GPR149: variants seen among roughly 807,000 people sequenced by gnomAD.
GPR149 encodes probable G protein-coupled receptor 149.
In GPR149, 50 loss-of-function variants were observed where a neutral mutation model predicts 50.2. The observed-to-expected ratio is 1.00, with a 90% CI of 0.79 to 1.26. The LOEUF (loss-of-function observed/expected upper bound fraction) is 1.26, where lower values mean the gene tolerates loss of function less well. Among genes scored for constraint, GPR149 ranks in the 50% most tolerant of loss-of-function variants. The pLI is 0.00. For missense variants in GPR149, 983 were observed against 895.4 expected (o/e 1.10, Z -1.25); for synonymous variants, 405 against 358.2 (o/e 1.13, Z -1.48).
chr3:154,360,578 C>T lies in GPR149; in HGVS notation c.1624-22307G>A, dbSNP rs540663338. Among the ~76,000 whole-genome samples the T allele has an allele frequency of 4.6e-5, 7 of 152,210 alleles. No homozygotes were observed. The East Asian group carries it at 1.2e-3, about 25-fold the overall frequency. ...CCAATAAGTGGTAGAACTGGAATTC[C>T]AATCTGGGCAGTATGGCACTAGAAA... On this transcript the variant is annotated intron_variant, in intron 3 of 3. Transcript: ENST00000389740.
chr3:154,340,243 C>A (rs1025569899), intron 3 of GPR149, among the ~76,000 whole-genome samples: 1 of 152,150 alleles, frequency 6.6e-6, no homozygotes, highest in Non-Finnish European at 1.5e-5. Flanking sequence ...TAGAGCCTTG[C>A]ACGATAAAGT....
chr3:154,342,784 GA>G (rs1559968683), intron 3 of GPR149, among the ~76,000 whole-genome samples: 1 of 151,874 alleles, frequency 6.6e-6, no homozygotes, highest in African/African-American at 2.4e-5. Flanking sequence ...AACATAAACA[GA>G]AAAAAACCCC....
chr3:154,402,569 T>C (rs1711574223), intron 3 of GPR149, among the ~76,000 whole-genome samples: 1 of 152,172 alleles, frequency 6.6e-6, no homozygotes, highest in Non-Finnish European at 1.5e-5. Context: ...TCCATCTTTC[T>C]AAGATGAAAG....
chr3:154,418,629 C>T (rs1281087976), intron 3 of GPR149, among the ~76,000 whole-genome samples: 5 of 122,162 alleles, frequency 4.1e-5, no homozygotes, highest in Non-Finnish European at 6.5e-5. Context: ...ATCACATGGA[C>T]ACAGGAAGGG....
intron 3 of GPR149, among the ~76,000 whole-genome samples, chr3:154,347,972 C>A (rs1434435204): frequency 6.6e-6 from 1 of 152,186 alleles, no homozygotes; most frequent in Non-Finnish European, 1.5e-5. Flanking sequence ...GTCGCATACA[C>A]CTGAGTCACT....
chr3:154,344,324 C>T (rs1713873358), intron 3 of GPR149, among the ~76,000 whole-genome samples: 1 of 151,992 alleles, frequency 6.6e-6, no homozygotes, highest in Admixed American at 6.6e-5. Context: ...GAAAATCATT[C>T]AAAAAGTTTA....
intron 2 of GPR149, among the ~76,000 whole-genome samples, chr3:154,422,881 T>A (rs1049630723): frequency 7.2e-5 from 11 of 151,832 alleles, no homozygotes; most frequent in African/African-American, 2.7e-4. Flanking sequence ...ACTAAAAGGA[T>A]GTTTAAATTA....
chr3:154,407,091 C>A (rs1711714981), intron 3 of GPR149, among the ~76,000 whole-genome samples: 1 of 152,054 alleles, frequency 6.6e-6, no homozygotes, highest in South Asian at 2.1e-4. Flanking sequence ...GGAAACCACC[C>A]CTCATGATTC....
Position 154,337,679 on chromosome 3 carries a change from C to T in GPR149, c.*20G>A. ...TTGACGTTGCAGATCCATTCTTGCT[C>T]CTGTTAGACCAAATACCCACTAACT... On this transcript the variant is annotated 3_prime_UTR_variant, in exon 4 of 4. Coordinates refer to ENST00000389740, the MANE Select transcript of GPR149 (RefSeq NM_001038705.3). 6.5e-7 allele frequency: 1 copy of T among 1,531,432 alleles called. No homozygotes were observed. Among genetic ancestry groups the T allele is most frequent in the Non-Finnish European group, 8.8e-7 (1 of 1,135,972 alleles). The allele number at this position is 1,531,432 out of a possible 1,614,324, so 94.9% of individuals were successfully genotyped here. A position where few individuals can be genotyped will look rare whatever the true frequency, so the allele number is the denominator to read the frequency against.
chr3:154,370,897 T>G (rs1338532368), intron 3 of GPR149, among the ~76,000 whole-genome samples: 1 of 152,176 alleles, frequency 6.6e-6, no homozygotes, highest in Non-Finnish European at 1.5e-5. Flanking sequence ...TCCCACACCC[T>G]TATTAGGGAG....
In GPR149 at chr3:154,378,958, C is replaced by CAGATATATCACTTGCAAA. The variant is rs1576913960; in HGVS notation, c.1624-40688_1624-40687insTTTGCAAGTGATATATCT. 9.8e-4 allele frequency among the ~76,000 whole-genome samples: 22 copies of CAGATATATCACTTGCAAA among 22,398 alleles called. 2 individuals carry two copies. Among genetic ancestry groups the CAGATATATCACTTGCAAA allele is most frequent in the African/African-American group, 1.1e-3 (9 of 7,838 alleles). The allele number at this position is 22,398 out of a possible 152,430, so 14.7% of individuals were successfully genotyped here. A position where few individuals can be genotyped will look rare whatever the true frequency, so the allele number is the denominator to read the frequency against. The stretch of plus-strand genomic sequence containing the variant: ...TATTCTGGATATAAAAGTCCTTTAT[C>CAGATATATCACTTGCAAA]GGCCGGGCGCGGTGGCTCACGCCTG... On this transcript the variant is annotated intron_variant, in intron 3 of 3. Transcript: ENST00000389740.
chr3:154,353,983 A>G, intron 3 of GPR149: 1 of 476,684 alleles, frequency 2.1e-6, no homozygotes, highest in Non-Finnish European at 3.9e-6. Context: ...ATTTATGAGT[A>G]GAACTATCTA....
chr3:154,406,462 G>T (rs1711687617), intron 3 of GPR149, among the ~76,000 whole-genome samples: 1 of 152,048 alleles, frequency 6.6e-6, no homozygotes, highest in South Asian at 2.1e-4. Context: ...ATACATACAA[G>T]GTTAGTTACT....
intron 3 of GPR149, among the ~76,000 whole-genome samples, chr3:154,392,551 G>C (rs1715195163): frequency 1.3e-5 from 2 of 151,128 alleles, no homozygotes; most frequent in Admixed American, 6.6e-5. Context: ...AACAAACTAA[G>C]GCCAAAGTTA....
chr3:154,396,726 T>C (rs1715301773), intron 3 of GPR149, among the ~76,000 whole-genome samples: 1 of 152,038 alleles, frequency 6.6e-6, no homozygotes, highest in African/African-American at 2.4e-5. Flanking sequence ...AAGAACTTTG[T>C]AGGTGCGAGT....
chr3:154,378,275 G>T (rs1208215629), intron 3 of GPR149, among the ~76,000 whole-genome samples: 9 of 151,946 alleles, frequency 5.9e-5, no homozygotes, highest in Non-Finnish European at 1.3e-4. Flanking sequence ...CGCATTTTTA[G>T]TAGAGACAGT....
chr3:154,394,225 A>G (rs1006770336), intron 3 of GPR149, among the ~76,000 whole-genome samples: 2 of 152,062 alleles, frequency 1.3e-5, no homozygotes, highest in African/African-American at 4.8e-5. Flanking sequence ...ACATATGGAC[A>G]AATGGAACAG....
chr3:154,339,254 C>G (rs1713726304), intron 3 of GPR149, among the ~76,000 whole-genome samples: 1 of 152,148 alleles, frequency 6.6e-6, no homozygotes, highest in African/African-American at 2.4e-5. Context: ...AACCCAGGTA[C>G]AGGGTCAAGC....
In GPR149 at chr3:154,378,826, A is replaced by G. The variant is rs1468551388; in HGVS notation, c.1624-40555T>C. Among the ~76,000 whole-genome samples the G allele has an allele frequency of 5.9e-5, 9 of 152,198 alleles. No homozygotes were observed. In the East Asian group the frequency reaches 1.7e-3, roughly 29 times the overall value. ...GTCTAATGATTTTGAGGATCTTTTT[A>G]TGTGATTATTAGCCACTTATATCTT... is the stretch of plus-strand genomic sequence containing the variant. On this transcript the variant is annotated intron_variant, in intron 3 of 3. Coordinates refer to ENST00000389740, the MANE Select transcript of GPR149 (RefSeq NM_001038705.3).
Sources: allele counts gnomAD v4.1 joint callset (sites outside exome capture counted in the v4.1 genomes callset), GRCh38; gene constraint gnomAD v4.1.1; transcripts MANE v1.5; gene names NCBI Gene and HGNC (gene_info 2026-07-23, HGNC 2026-07-21).